SYTL1: variants seen among roughly 807,000 people sequenced by gnomAD.
SYTL1 encodes synaptotagmin-like protein 1.
SYTL1 carries 53 observed loss-of-function variants against 74.6 expected under a neutral mutation model. The observed-to-expected ratio is 0.71, with a 90% CI of 0.57 to 0.89. The LOEUF (loss-of-function observed/expected upper bound fraction) is 0.89, where lower values mean the gene tolerates loss of function less well. Among genes scored for constraint, SYTL1 ranks in the 40% least tolerant of loss-of-function variants. SYTL1 has a pLI of 0.00. For missense variants in SYTL1, 728 were observed against 768.7 expected (o/e 0.95, Z 0.63); for synonymous variants, 329 against 324.9 (o/e 1.01, Z -0.14).
Position 27,348,033 on chromosome 1 carries a change from G to GT in SYTL1, c.459+22dup, listed in dbSNP as rs1557540606. The stretch of plus-strand genomic sequence containing the variant: ...CTGAGGTAAGTGAATGAGCCAACAT[G>GT]TGAGTACAGTGTCCCTGGAGGGGAG... On this transcript the variant is annotated intron_variant, in intron 5 of 14. Transcript: ENST00000616558. This position sits in a 1 kb window ranked among gnomAD's most constrained non-coding sequence, Gnocchi z 4.1. 1.2e-6 allele frequency: 2 copies of GT among 1,612,668 alleles called. No homozygotes were observed. Among genetic ancestry groups the GT allele is most frequent in the South Asian group, 2.2e-5 (2 of 91,058 alleles).
intron 6 of SYTL1, 113 bp downstream of exon 6, chr1:27,349,265 C>A: frequency 6.8e-7 from 1 of 1,473,998 alleles, no homozygotes; most frequent in Non-Finnish European, 9.1e-7. Flanking sequence ...CACCCCGCGT[C>A]GGAGGTGGGG....
chr1:27,351,335 G>C lies in SYTL1; in HGVS notation c.1242G>C (p.Glu414Asp), dbSNP rs751229854. 5.2e-6 allele frequency: 8 copies of C among 1,551,038 alleles called. No individual in the cohort carries two copies. The highest frequency in any genetic ancestry group is 7.0e-6 in the Non-Finnish European group (8 of 1,147,554). ...LSLKYVPAGSEGAGLPPSGEL... is the reference protein window; with the variant it reads ...LSLKYVPAGSDGAGLPPSGEL... ...TCAAGTACGTCCCCGCCGGCTCCGA[G>C]GGTGAGTGACAGCCGGAGAGGCCAA... Residue 414 changes from glutamate (E) to aspartate (D), a missense_variant and splice_region_variant, in exon 12 of 15, where the codon GAG becomes GAC. Physicochemically the swap from Glu to Asp is conservative, Grantham distance 45. Transcript: ENST00000616558. The surrounding 1 kb of genome is among the most constrained non-coding windows in gnomAD (Gnocchi z 5.0).
rs776080624 is a variant in SYTL1 at position 27,353,393 on chromosome 1, C to A, written c.1454C>A (p.Ala485Asp). ...ATGGTGTACGATGGCTTTGGGCCTG[C>A]TGACCTGCGCCAGGCTTGTGCCGAG... ...HTMVYDGFGP[A>D]DLRQACAELS... Residue 485 changes from alanine (A) to aspartate (D), a missense_variant, in exon 14 of 15, where the codon GCT becomes GAT. Transcript: ENST00000616558. The A allele has an allele frequency of 6.2e-7, 1 of 1,611,262 alleles. No individual in the cohort carries two copies. The highest frequency in any genetic ancestry group is 1.3e-5 in the African/African-American group (1 of 74,914).
Position 27,345,575 on chromosome 1 carries a change from C to T in SYTL1, c.191+50C>T, listed in dbSNP as rs746880117. On this transcript the variant is annotated intron_variant, in intron 2 of 14. Coordinates refer to ENST00000616558, the MANE Select transcript of SYTL1 (RefSeq NM_001193308.2). The surrounding 1 kb of genome is among the most constrained non-coding windows in gnomAD (Gnocchi z 6.0). ...GGGAGCACCAAGAGGCTTGAGTGGC[C>T]CCCATCCTGCTCCCTACCGACACCA... The T allele has an allele frequency of 3.8e-6, 5 of 1,305,654 alleles. No homozygotes were observed. In the South Asian group the frequency reaches 5.6e-5, roughly 15 times the overall value. 80.9% of individuals were successfully genotyped at this position (1,305,654 alleles called of 1,614,324 possible).
chr1:27,345,319 GGCACAGCCCCAGCTGAT>G lies in SYTL1; in HGVS notation c.-13_4del, dbSNP rs752334067. ...CAGGAAGCTCCGTGTGCCCAGCTGGGGCACAGCCCCAGCTGATGCCCCAGAGGGGCCACCCATCGCAA... is the reference window on the plus strand; with the variant it reads ...CAGGAAGCTCCGTGTGCCCAGCTGGGGCCCCAGAGGGGCCACCCATCGCAA... On this transcript the variant is annotated start_lost and 5_prime_UTR_variant, in exon 2 of 15. Coordinates refer to ENST00000616558, the MANE Select transcript of SYTL1 (RefSeq NM_001193308.2). This position sits in a 1 kb window ranked among gnomAD's most constrained non-coding sequence, Gnocchi z 6.0. The G allele has an allele frequency of 3.4e-6, 5 of 1,467,040 alleles. No individual in the cohort carries two copies. Among genetic ancestry groups the G allele is most frequent in the South Asian group, 1.4e-5 (1 of 73,162 alleles). The allele number at this position is 1,467,040 out of a possible 1,614,324, so 90.9% of individuals were successfully genotyped here.
rs747789689 is a variant in SYTL1 at position 27,350,371 on chromosome 1, G to A, written c.909-18G>A. 1.2e-6 allele frequency: 2 copies of A among 1,610,590 alleles called. No homozygotes were observed. Among genetic ancestry groups the A allele is most frequent in the African/African-American group, 1.3e-5 (1 of 74,896 alleles). On this transcript the variant is annotated intron_variant, in intron 9 of 14. Transcript: ENST00000616558. The surrounding 1 kb of genome is among the most constrained non-coding windows in gnomAD (Gnocchi z 6.3). ...CTCTGGGAGGGCCCCTCCTCACCTCGGGTTCTCACCTCCCCAGCTACGTCA... is the reference window on the plus strand; with the variant it reads ...CTCTGGGAGGGCCCCTCCTCACCTCAGGTTCTCACCTCCCCAGCTACGTCA...
intron 5 of SYTL1, 38 bp from the exon 6 acceptor site, chr1:27,349,042 G>A (rs1434412104): frequency 1.3e-6 from 2 of 1,518,300 alleles, no homozygotes; most frequent in Admixed American, 3.4e-5. Flanking sequence ...TTCCTCACCA[G>A]CCCCCGTACT....
rs557543658 is a variant in SYTL1 at position 27,347,285 on chromosome 1, G to C, written c.192-136G>C. On this transcript the variant is annotated intron_variant, in intron 2 of 14. Transcript: ENST00000616558. This position sits in a 1 kb window ranked among gnomAD's most constrained non-coding sequence, Gnocchi z 4.9. The stretch of plus-strand genomic sequence containing the variant: ...CTGGACTTGGTCTCCCCAGCAGCCC[G>C]AGCTCCTCCACAGCACAGATCAAGT... 1 of 1,122,642 alleles carries C rather than the reference G, an allele frequency of 8.9e-7. No homozygotes were observed. Among genetic ancestry groups the C allele is most frequent in the East Asian group, 2.5e-5 (1 of 40,544 alleles). The allele number at this position is 1,122,642 out of a possible 1,614,324, so 69.5% of individuals were successfully genotyped here. A position where few individuals can be genotyped will look rare whatever the true frequency, so the allele number is the denominator to read the frequency against.
Position 27,351,230 on chromosome 1 carries a change from T to G in SYTL1, c.1165-28T>G. On this transcript the variant is annotated intron_variant, in intron 11 of 14. Transcript: ENST00000616558. This position sits in a 1 kb window ranked among gnomAD's most constrained non-coding sequence, Gnocchi z 5.0. ...CCTGAGGCCCCTTTCCATTAGCCCC[T>G]GCTCCACGATAAGCCCGCCTCTCGC... 1 of 1,549,614 alleles carries G rather than the reference T, an allele frequency of 6.5e-7. No individual in the cohort carries two copies. The highest frequency in any genetic ancestry group is 1.2e-5 in the South Asian group (1 of 84,052).
Position 27,351,299 on chromosome 1 carries a change from C to A in SYTL1, c.1206C>A (p.Leu402=), listed in dbSNP as rs775491101. 9.0e-6 allele frequency: 14 copies of A among 1,562,710 alleles called. No homozygotes were observed. In the Admixed American group the frequency reaches 1.3e-4, roughly 15 times the overall value. ...ACGACCTTCCGAGCCGCGGGTTACTCGCCCTGTCCCTCAAGTACGTCCCCG... is the reference window on the plus strand; with the variant it reads ...ACGACCTTCCGAGCCGCGGGTTACTAGCCCTGTCCCTCAAGTACGTCCCCG... ...SPDDLPSRGL[L]ALSLKYVPAG... is the part of the protein sequence containing the mutation. The change falls in exon 12 of 15, where the codon CTC becomes CTA. Residue 402 remains leucine, a synonymous_variant. Coordinates refer to ENST00000616558, the MANE Select transcript of SYTL1 (RefSeq NM_001193308.2). The surrounding 1 kb of genome is among the most constrained non-coding windows in gnomAD (Gnocchi z 5.0).
In SYTL1 at chr1:27,342,972, G is replaced by A. The variant is rs984393139; in HGVS notation, c.-39+822G>A. On this transcript the variant is annotated intron_variant, in intron 1 of 14. Transcript: ENST00000616558. The surrounding 1 kb of genome is among the most constrained non-coding windows in gnomAD (Gnocchi z 4.7). The stretch of plus-strand genomic sequence containing the variant: ...GGTATCCACAGAGTGAATGCACACC[G>A]TGCAGCCGTGCTGAGGCCTTCTGCT... 5.3e-5 allele frequency among the ~76,000 whole-genome samples: 8 copies of A among 152,260 alleles called. No individual in the cohort carries two copies. Among genetic ancestry groups the A allele is most frequent in the East Asian group, 1.9e-4 (1 of 5,200 alleles).
chr1:27,344,647 C>A (rs1321003919), intron 1 of SYTL1, among the ~76,000 whole-genome samples: 1 of 150,186 alleles, frequency 6.7e-6, no homozygotes, highest in African/African-American at 2.4e-5. Context: ...GTCAGGAGTT[C>A]GAGGCCAGCC....
At position 27,347,540 on chromosome 1, in the gene SYTL1, C is replaced by A; in HGVS notation, c.311C>A (p.Ala104Glu). ...NAHFGSDLVR[A>E]SMRRKKSTRG... ...CACTTCGGCTCTGACCTTGTCCGAG[C>A]GTCTATGCGCAGGAAGAAGAGCACC... Residue 104 changes from alanine (A) to glutamate (E), a missense_variant, in exon 3 of 15, where the codon GCG (alanine) becomes GAG (glutamate). Transcript: ENST00000616558. This position sits in a 1 kb window ranked among gnomAD's most constrained non-coding sequence, Gnocchi z 4.9. 6.2e-7 allele frequency: 1 copy of A among 1,614,038 alleles called. No individual in the cohort carries two copies. Among genetic ancestry groups the A allele is most frequent in the African/African-American group, 1.3e-5 (1 of 75,054 alleles).
Position 27,349,636 on chromosome 1 carries a change from C to G in SYTL1, c.634-16C>G. 1 of 1,595,806 alleles carries G rather than the reference C, an allele frequency of 6.3e-7. No individual in the cohort carries two copies. ...TGGGGAAAGAAGGGGCGCCCCGTCA[C>G]TTGCCCCCTCTGCAGACCAAGGCCG... On this transcript the variant is annotated splice_polypyrimidine_tract_variant and intron_variant, in intron 7 of 14. Transcript: ENST00000616558.
At position 27,353,274 on chromosome 1, in the gene SYTL1, C is replaced by T. The variant is rs1321541957; in HGVS notation, c.1344-9C>T. The T allele has an allele frequency of 6.3e-7, 1 of 1,580,042 alleles. No individual in the cohort carries two copies. The highest frequency in any genetic ancestry group is 1.3e-5 in the African/African-American group (1 of 74,262). ...GGGGTCACCTGATGCCAGGCCACCTCCCGCACAGCTTCGTGCTGCCTGATG... is the reference window on the plus strand; with the variant it reads ...GGGGTCACCTGATGCCAGGCCACCTTCCGCACAGCTTCGTGCTGCCTGATG... On this transcript the variant is annotated splice_polypyrimidine_tract_variant and intron_variant, in intron 13 of 14. Coordinates refer to ENST00000616558, the MANE Select transcript of SYTL1 (RefSeq NM_001193308.2).
chr1:27,350,024 G>A lies in SYTL1; in HGVS notation c.800G>A (p.Arg267His). The change falls in exon 9 of 15, where the codon CGC becomes CAC. Residue 267 changes from arginine to histidine, a missense_variant. Transcript: ENST00000616558. This position sits in a 1 kb window ranked among gnomAD's most constrained non-coding sequence, Gnocchi z 6.3. ...LSGDAEAVQV[R>H]GSVHFALHYE... ...GGCGACGCGGAGGCGGTGCAGGTCC[G>A]CGGCTCCGTGCACTTCGCGCTGCAC... 1.9e-6 allele frequency: 3 copies of A among 1,549,828 alleles called. No individual in the cohort carries two copies. The highest frequency in any genetic ancestry group is 2.8e-5 in the African/African-American group (2 of 71,882).
At chr1:27,352,847 G>A (rs550262615) in intron 13 of SYTL1, 1 of 188,268 alleles carries the variant, frequency 5.3e-6, no homozygotes, top group South Asian at 9.3e-5. Context: ...GTGCAGTGGT[G>A]TGATTTCAGC....
intron 14 of SYTL1, 53 bp from the exon 15 acceptor site, chr1:27,353,660 C>T (rs905252640): frequency 1.0e-5 from 16 of 1,585,274 alleles, no homozygotes; most frequent in African/African-American, 2.7e-5. Context: ...TGTTTGGGGG[C>T]CCCAAGGTGT....
chr1:27,353,931 A>C lies in SYTL1; in HGVS notation c.*79A>C. 2.9e-6 allele frequency: 4 copies of C among 1,366,720 alleles called. No homozygotes were observed. Among genetic ancestry groups the C allele is most frequent in the Non-Finnish European group, 4.1e-6 (4 of 982,830 alleles). 84.7% of individuals were successfully genotyped at this position (1,366,720 alleles called of 1,614,324 possible). A position where few individuals can be genotyped will look rare whatever the true frequency, so the allele number is the denominator to read the frequency against. Reference sequence around the variant, plus strand: ...AGTCAATAAAGTCTATTCTAAGAGCAATAAAAGGCTGGTGTCTGCTGGGGC... The same window carrying C: ...AGTCAATAAAGTCTATTCTAAGAGCCATAAAAGGCTGGTGTCTGCTGGGGC... On this transcript the variant is annotated 3_prime_UTR_variant, in exon 15 of 15. Coordinates refer to ENST00000616558, the MANE Select transcript of SYTL1 (RefSeq NM_001193308.2).
Sources: gnomAD v4.1 joint callset for allele counts (sites outside exome capture counted in the v4.1 genomes callset) on GRCh38, gnomAD v4.1.1 for gene constraint, Gnocchi (gnomAD v3.1) non-coding constraint, MANE v1.5 for transcripts, NCBI Gene and HGNC (gene_info 2026-07-23, HGNC 2026-07-21) for gene names.